The following SUN1 variants were observed in gnomAD, a reference collection of about 807,000 sequenced individuals.
The protein encoded by SUN1 is SUN domain-containing protein 1.
Under a neutral mutation model 103.2 loss-of-function variants are expected in SUN1, and 61 were observed. The ratio of observed to expected loss-of-function variants is 0.59; its 90% CI spans 0.48 to 0.73. The LOEUF is 0.73. Among genes scored for constraint, SUN1 ranks in the 30% least tolerant of loss-of-function variants. SUN1 has a pLI of 0.00. For synonymous variants in SUN1, 490 were observed against 425.7 expected, an observed-to-expected ratio of 1.15 and a Z score of -1.86; for missense variants, 1,052 against 1,034.6, an observed-to-expected ratio of 1.02 and a Z score of -0.23.
At chr7:866,245 C>G (rs1019334404) in intron 16 of SUN1, among the ~76,000 whole-genome samples, 178 bp downstream of exon 16, 5 of 152,184 alleles carry the variant, frequency 3.3e-5, no homozygotes, top group African/African-American at 1.2e-4. Context: ...CGTGTAGCCT[C>G]CACGCTACAC....
rs577710059 is a variant in SUN1 at position 819,905 on chromosome 7, C to T, written c.-74+3232C>T. Among the ~76,000 whole-genome samples, 285 of 152,212 alleles carry T rather than the reference C, an allele frequency of 1.9e-3. 1 individual carries two copies. Among genetic ancestry groups the T allele is most frequent in the South Asian group, 0.018 (85 of 4,810 alleles). On this transcript the variant is annotated intron_variant, in intron 1 of 17. Transcript: ENST00000389574. Reference sequence around the variant, plus strand: ...TGTATTTTTAGTAGAGACAGGGTTTCACCTTGTTGGCTGGCTGGCCTTGAA... The same window carrying T: ...TGTATTTTTAGTAGAGACAGGGTTTTACCTTGTTGGCTGGCTGGCCTTGAA...
Position 874,350 on chromosome 7 carries a change from ATTAC to A in SUN1, c.*1021_*1024del, listed in dbSNP as rs1843297745. On this transcript the variant is annotated 3_prime_UTR_variant, in exon 19 of 19. Coordinates refer to ENST00000401592, the MANE Select transcript of SUN1 (RefSeq NM_001130965.3). Reference sequence around the variant, plus strand: ...TCTTGTGAGACTCTTTTTGGTTATAATTACTATTTAATATTTAGACTATTTTACT... The same window carrying A: ...TCTTGTGAGACTCTTTTTGGTTATAATATTTAATATTTAGACTATTTTACT... The A allele has an allele frequency of 6.6e-6, 1 of 152,628 alleles. No homozygotes were observed. The highest frequency in any genetic ancestry group is 6.5e-5 in the Admixed American group (1 of 15,274). 9.5% of individuals were successfully genotyped at this position (152,628 alleles called of 1,614,324 possible).
At chr7:828,055 C>T (rs1306607931), upstream of SUN1, among the ~76,000 whole-genome samples, 1 of 151,838 alleles carries the variant, frequency 6.6e-6, no homozygotes, top group Non-Finnish European at 1.5e-5. Flanking sequence ...AAGCACGCAC[C>T]ACCACACCCG....
chr7:873,474 A>G lies in SUN1; in HGVS notation c.*143A>G, dbSNP rs1585438912. Reference sequence around the variant, plus strand: ...ACGTGGCTGCTGGCCAGAGGACGTGAGCGTGTGACGGGCGCCTTGGCGCCA... The same window carrying G: ...ACGTGGCTGCTGGCCAGAGGACGTGGGCGTGTGACGGGCGCCTTGGCGCCA... On this transcript the variant is annotated 3_prime_UTR_variant, in exon 19 of 19. Transcript: ENST00000401592. 1.2e-6 allele frequency: 1 copy of G among 846,530 alleles called. No individual in the cohort carries two copies. The highest frequency in any genetic ancestry group is 2.6e-5 in the East Asian group (1 of 39,210). 52.4% of individuals were successfully genotyped at this position (846,530 alleles called of 1,614,324 possible).
chr7:840,807 A>T (rs1411554829), intron 2 of SUN1, among the ~76,000 whole-genome samples: 2 of 151,148 alleles, frequency 1.3e-5, no homozygotes, highest in African/African-American at 4.9e-5. Flanking sequence ...ATGCCTGGCT[A>T]ATTTTTTGTA....
rs1247469594 is a variant in SUN1 at position 874,780 on chromosome 7, G to A, written c.*1449G>A. Reference sequence around the variant, plus strand: ...TTTTAAAGATGCAAGATAGGACTTTGTGCAATGTATTTTTGTAAATGCTTT... The same window carrying A: ...TTTTAAAGATGCAAGATAGGACTTTATGCAATGTATTTTTGTAAATGCTTT... On this transcript the variant is annotated 3_prime_UTR_variant, in exon 19 of 19. Coordinates refer to ENST00000401592, the MANE Select transcript of SUN1 (RefSeq NM_001130965.3). 2.0e-5 allele frequency: 3 copies of A among 152,232 alleles called. No individual in the cohort carries two copies. Among genetic ancestry groups the A allele is most frequent in the Non-Finnish European group, 4.4e-5 (3 of 68,046 alleles). 9.4% of individuals were successfully genotyped at this position (152,232 alleles called of 1,614,324 possible).
chr7:855,825 C>G (rs1281942442), intron 11 of SUN1, among the ~76,000 whole-genome samples: 1 of 151,310 alleles, frequency 6.6e-6, no homozygotes, highest in Non-Finnish European at 1.5e-5. Context: ...CGGGGCGCCT[C>G]CTCCTCTGTC....
At chr7:869,299 G>T in intron 16 of SUN1, 50 bp from the exon 17 acceptor site, 1 of 1,579,756 alleles carries the variant, frequency 6.3e-7, no homozygotes. Flanking sequence ...GCTGCTAAGT[G>T]GGTAAGAGCA....
chr7:849,956 C>T (rs746215082), intron 5 of SUN1: 10 of 1,601,366 alleles, frequency 6.2e-6, no homozygotes, highest in South Asian at 1.1e-5. Flanking sequence ...CACCTCGACG[C>T]GCACACAGCC....
chr7:829,531 C>T (rs937005691), upstream of SUN1, among the ~76,000 whole-genome samples: 1 of 150,408 alleles, frequency 6.6e-6, no homozygotes, highest in African/African-American at 2.4e-5. Flanking sequence ...ATTGCACACC[C>T]AGAAGAAAAA....
Position 874,701 on chromosome 7 carries a change from C to T in SUN1, c.*1370C>T, listed in dbSNP as rs1464896410. 1 of 152,060 alleles carries T rather than the reference C, an allele frequency of 6.6e-6. No homozygotes were observed. Among genetic ancestry groups the T allele is most frequent in the African/African-American group, 2.4e-5 (1 of 41,404 alleles). The allele number at this position is 152,060 out of a possible 1,614,324, so 9.4% of individuals were successfully genotyped here. On this transcript the variant is annotated 3_prime_UTR_variant, in exon 19 of 19. Coordinates refer to ENST00000401592, the MANE Select transcript of SUN1 (RefSeq NM_001130965.3). ...GGTTACATATATAAATCAAAATTTC[C>T]TATATAAAACTGATTTGGGATTTGG...
intron 16 of SUN1, among the ~76,000 whole-genome samples, chr7:867,156 G>A (rs1173195247): frequency 6.6e-6 from 1 of 152,236 alleles, no homozygotes; most frequent in African/African-American, 2.4e-5. Flanking sequence ...GGAACTGTCC[G>A]GTCAGCGTGA....
chr7:869,911 G>A (rs1322756770), intron 17 of SUN1, among the ~76,000 whole-genome samples: 2 of 152,068 alleles, frequency 1.3e-5, no homozygotes, highest in African/African-American at 2.4e-5. Flanking sequence ...TCTTCACCAT[G>A]CCTTTAAAAA....
chr7:870,190 G>A (rs1401404730), intron 17 of SUN1, among the ~76,000 whole-genome samples: 2 of 135,168 alleles, frequency 1.5e-5, no homozygotes, highest in African/African-American at 5.6e-5. Context: ...GGGCAACAGA[G>A]TGAGACCCTG....
chr7:852,598 G>C lies in SUN1; in HGVS notation c.852-11G>C. 6.2e-7 allele frequency: 1 copy of C among 1,614,150 alleles called. No individual in the cohort carries two copies. The highest frequency in any genetic ancestry group is 8.5e-7 in the Non-Finnish European group (1 of 1,179,998). ...TTTTTCTAAGTCAAAGGTTTTCATT[G>C]TTACTCCCAGGTGCCTTCGAAACAT... On this transcript the variant is annotated splice_polypyrimidine_tract_variant and intron_variant, in intron 7 of 18. Transcript: ENST00000401592.
chr7:858,948 G>C (rs1829984898), intron 13 of SUN1, among the ~76,000 whole-genome samples: 2 of 152,156 alleles, frequency 1.3e-5, no homozygotes, highest in South Asian at 4.1e-4. Flanking sequence ...GAGGTCAGAA[G>C]TTCAAGACCA....
chr7:842,625 C>T, intron 3 of SUN1: 1 of 189,660 alleles, frequency 5.3e-6, no homozygotes, highest in Non-Finnish European at 1.2e-5. Flanking sequence ...GGAGTCTGGG[C>T]AGTGGGAGCC....
chr7:855,182 A>G (rs1825947556), intron 11 of SUN1, among the ~76,000 whole-genome samples, 176 bp downstream of exon 11: 1 of 152,186 alleles, frequency 6.6e-6, no homozygotes, highest in African/African-American at 2.4e-5. Context: ...GGGCTCTAAC[A>G]TTGAATCGGG....
At chr7:857,597 G>C (rs1828694459) in intron 12 of SUN1, among the ~76,000 whole-genome samples, 1 of 152,168 alleles carries the variant, frequency 6.6e-6, no homozygotes, top group African/African-American at 2.4e-5. Flanking sequence ...TAGCCTCCTT[G>C]TGCAGTGTGA....
Sources: gnomAD v4.1 joint callset for allele counts (sites outside exome capture counted in the v4.1 genomes callset) on GRCh38, gnomAD v4.1.1 for gene constraint, MANE v1.5 for transcripts, NCBI Gene and HGNC (gene_info 2026-07-23, HGNC 2026-07-21) for gene names.